Variants in NBAS observed in about 807,000 individuals in gnomAD.
NBAS encodes the protein NAG/BC035112 fusion.
NBAS carries 219 observed loss-of-function variants against 302.5 expected under a neutral mutation model. That is an observed-to-expected ratio of 0.72 (90% CI 0.65 to 0.81). The LOEUF (loss-of-function observed/expected upper bound fraction) is 0.81. Among genes scored for constraint, NBAS ranks in the 30% least tolerant of loss-of-function variants. NBAS has a pLI of 0.00. For synonymous variants in NBAS, 1,118 were observed against 1,021.6 expected (o/e 1.09, Z -1.80); for missense variants, 2,932 against 2,841.6 (o/e 1.03, Z -0.72).
chr2:14,899,762 T>G, the NBAS span, among the ~76,000 whole-genome samples: 3 of 150,670 alleles, frequency 2.0e-5, no homozygotes, highest in African/African-American at 7.3e-5. Context: ...TTTCCCAGCC[T>G]CAGGTATCAG....
the NBAS span, among the ~76,000 whole-genome samples, chr2:14,870,937 C>T: frequency 6.6e-6 from 1 of 150,380 alleles, no homozygotes; most frequent in African/African-American, 2.4e-5. Flanking sequence ...AATTAGGAAA[C>T]CACAAATCAA....
At chr2:15,224,001 G>C (rs1667059742) in intron 47 of NBAS, among the ~76,000 whole-genome samples, 1 of 152,052 alleles carries the variant, frequency 6.6e-6, no homozygotes, top group Non-Finnish European at 1.5e-5. Context: ...GCTGATAAAG[G>C]AAACACACTC....
chr2:15,379,703 G>A lies in NBAS; in HGVS notation c.3489C>T (p.Tyr1163=). The A allele has an allele frequency of 1.2e-6, 2 of 1,614,044 alleles. No homozygotes were observed. Among genetic ancestry groups the A allele is most frequent in the East Asian group, 2.2e-5 (1 of 44,830 alleles). The change falls in exon 30 of 52, where the codon TAC becomes TAT. Residue 1163 remains tyrosine (Y), a synonymous_variant. Coordinates refer to ENST00000281513, the MANE Select transcript of NBAS (RefSeq NM_015909.4). ...AGIAHKGKPH[Y]RVSYEKSIDL... is the part of the protein sequence containing the mutation. ...CAATACTCTTTTCGTAGCTGACCCT[G>A]TAGTGGGGTTTCCCTTTATGGGCTA...
At chr2:14,786,685 G>C in the NBAS span, among the ~76,000 whole-genome samples, 2 of 152,192 alleles carry the variant, frequency 1.3e-5, no homozygotes, top group African/African-American at 4.8e-5. Flanking sequence ...TGGTCTGAGA[G>C]ACAGTTTGTT....
At chr2:15,293,690 C>G (rs1670422451) in intron 40 of NBAS, among the ~76,000 whole-genome samples, 2 of 151,884 alleles carry the variant, frequency 1.3e-5, no homozygotes, top group Non-Finnish European at 2.9e-5. Context: ...CAGAAACACA[C>G]AGCTAATTAT....
the NBAS span, among the ~76,000 whole-genome samples, chr2:14,811,645 G>T: frequency 6.6e-6 from 1 of 152,040 alleles, no homozygotes; most frequent in Admixed American, 6.6e-5. Context: ...TCAAGATCAA[G>T]AAACCCTTGT....
the NBAS span, among the ~76,000 whole-genome samples, chr2:15,057,860 T>G: frequency 6.6e-6 from 1 of 152,342 alleles, no homozygotes; most frequent in South Asian, 2.1e-4. Flanking sequence ...ATTTTGCTAT[T>G]GTGAATTGTG....
chr2:14,896,482 G>A, the NBAS span, among the ~76,000 whole-genome samples: 1 of 151,944 alleles, frequency 6.6e-6, no homozygotes, highest in East Asian at 1.9e-4. Context: ...TCCTTCCTCC[G>A]TGTTATGGGG....
At chr2:14,800,222 T>A in the NBAS span, among the ~76,000 whole-genome samples, 1 of 152,232 alleles carries the variant, frequency 6.6e-6, no homozygotes, top group Admixed American at 6.5e-5. Flanking sequence ...CTCATTTGAA[T>A]TTCCACATGT....
chr2:14,863,748 G>A, the NBAS span, among the ~76,000 whole-genome samples: 1 of 152,126 alleles, frequency 6.6e-6, no homozygotes, highest in Non-Finnish European at 1.5e-5. Flanking sequence ...TTTAATACAT[G>A]GATATGTCAA....
At chr2:14,874,979 T>C in the NBAS span, among the ~76,000 whole-genome samples, 1,192 of 151,952 alleles carry the variant, frequency 7.8e-3, 23 homozygotes, top group African/African-American at 0.027. Flanking sequence ...CTGAGAGAAC[T>C]AGAAATAGAA....
chr2:15,040,257 C>A, the NBAS span, among the ~76,000 whole-genome samples: 1 of 152,168 alleles, frequency 6.6e-6, no homozygotes, highest in African/African-American at 2.4e-5. Flanking sequence ...TCGCCACAGT[C>A]CAGCAAGGTA....
At chr2:15,493,118 T>G (rs1007776038) in intron 11 of NBAS, among the ~76,000 whole-genome samples, 1 of 152,206 alleles carries the variant, frequency 6.6e-6, no homozygotes, top group Non-Finnish European at 1.5e-5. Context: ...AGTTCTGCCC[T>G]CGTTCTATCT....
intron 48 of NBAS, among the ~76,000 whole-genome samples, chr2:15,207,047 T>C (rs1666180613): frequency 6.6e-6 from 1 of 152,114 alleles, no homozygotes; most frequent in Admixed American, 6.5e-5. Context: ...CAGCTTGCAC[T>C]GTGCACCTGA....
chr2:14,983,463 G>C, the NBAS span, among the ~76,000 whole-genome samples: 1 of 152,184 alleles, frequency 6.6e-6, no homozygotes, highest in African/African-American at 2.4e-5. Context: ...ATGATACCTT[G>C]TCTCACAGGG....
intron 32 of NBAS, among the ~76,000 whole-genome samples, chr2:15,362,787 G>A (rs1674001072): frequency 6.6e-6 from 1 of 152,104 alleles, no homozygotes; most frequent in Non-Finnish European, 1.5e-5. Flanking sequence ...AATCTGGGTG[G>A]TATTGTGAAG....
intron 26 of NBAS, among the ~76,000 whole-genome samples, chr2:15,398,231 T>A (rs1266181173): frequency 6.6e-6 from 1 of 152,026 alleles, no homozygotes; most frequent in Non-Finnish European, 1.5e-5. Flanking sequence ...GCAACCTCTG[T>A]GTCCTGGGCT....
rs376848193 is a variant in NBAS at position 15,241,985 on chromosome 2, CT to C, written c.5725-3300del. ...GTCTCAAGGAAATGCTCCTTTCCCT[CT>C]TTTTTGCAAGGCAAATTCCCAGTCA... is the stretch of plus-strand genomic sequence containing the variant. On this transcript the variant is annotated intron_variant, in intron 44 of 51. Transcript: ENST00000281513. 3.9e-5 allele frequency among the ~76,000 whole-genome samples: 6 copies of C among 152,292 alleles called. No homozygotes were observed. In the South Asian group the frequency reaches 1.2e-3, roughly 32 times the overall value.
chr2:15,154,532 C>T, the NBAS span, among the ~76,000 whole-genome samples: 12 of 152,292 alleles, frequency 7.9e-5, no homozygotes, highest in African/African-American at 2.9e-4. Context: ...TCATTTCATT[C>T]GCACTTACTG....
Sources: allele counts gnomAD v4.1 joint callset (sites outside exome capture counted in the v4.1 genomes callset), GRCh38; gene constraint gnomAD v4.1.1; transcripts MANE v1.5; gene names NCBI Gene and HGNC (gene_info 2026-07-23, HGNC 2026-07-21).